The following ARID1B variants were observed in gnomAD, a reference collection of about 807,000 sequenced individuals.
ARID1B encodes the protein AT-rich interaction domain 1B, also known as AT-rich interactive domain-containing protein 1B.
Under a neutral mutation model 212.3 loss-of-function variants are expected in ARID1B, and 30 were observed. That is an observed-to-expected ratio of 0.14 (90% CI 0.11 to 0.19). The LOEUF (loss-of-function observed/expected upper bound fraction) is 0.19, where lower values mean the gene tolerates loss of function less well. Ranked by LOEUF, ARID1B falls within the 10% of genes least tolerant of loss-of-function variation. The pLI is 1.00. For missense variants in ARID1B, 2,891 were observed against 3,204.0 expected (o/e 0.90, Z 2.36); for synonymous variants, 1,402 against 1,301.7 (o/e 1.08, Z -1.66).
intron 3 of ARID1B, among the ~76,000 whole-genome samples, chr6:156,931,605 G>C (rs1459843026): frequency 6.6e-6 from 1 of 152,136 alleles, no homozygotes; most frequent in Admixed American, 6.5e-5. Flanking sequence ...AATCACTTGA[G>C]GCCAGTAGCT....
At chr6:157,008,261 A>G (rs1779363096) in intron 4 of ARID1B, among the ~76,000 whole-genome samples, 1 of 152,152 alleles carries the variant, frequency 6.6e-6, no homozygotes, top group African/African-American at 2.4e-5. Context: ...CCATCCATCC[A>G]TCTCCAGAAG....
chr6:157,074,037 C>G (rs772361793), intron 4 of ARID1B, among the ~76,000 whole-genome samples: 4 of 152,248 alleles, frequency 2.6e-5, no homozygotes, highest in Admixed American at 2.0e-4. Context: ...AGCCCGAATT[C>G]TATTGTAATC....
At chr6:156,868,587 G>C (rs1785885194) in intron 2 of ARID1B, among the ~76,000 whole-genome samples, 1 of 152,162 alleles carries the variant, frequency 6.6e-6, no homozygotes, top group African/African-American at 2.4e-5. Context: ...ATGGTGGAAG[G>C]GGGTGGCCAG....
intron 4 of ARID1B, among the ~76,000 whole-genome samples, chr6:156,971,939 C>T (rs956234479): frequency 1.3e-5 from 2 of 152,250 alleles, no homozygotes; most frequent in Non-Finnish European, 2.9e-5. Context: ...AACACATTTA[C>T]GGGTCCTTCC....
At chr6:157,159,470 A>G (rs899059896) in intron 8 of ARID1B, among the ~76,000 whole-genome samples, 1 of 152,240 alleles carries the variant, frequency 6.6e-6, no homozygotes, top group Non-Finnish European at 1.5e-5. Context: ...GGTTACCTGC[A>G]TTGAAGCAAA....
intron 11 of ARID1B, among the ~76,000 whole-genome samples, chr6:157,177,113 A>G (rs913993571): frequency 1.3e-5 from 2 of 152,148 alleles, no homozygotes; most frequent in African/African-American, 4.8e-5. Context: ...GAAATTGTGT[A>G]TTTTTTCTCA....
intron 4 of ARID1B, among the ~76,000 whole-genome samples, chr6:156,961,910 A>G (rs897016059): frequency 1.3e-5 from 2 of 152,116 alleles, no homozygotes; most frequent in African/African-American, 2.4e-5. Flanking sequence ...TTCTAAGTCA[A>G]TTTCACCATA....
chr6:157,189,999 T>G, intron 14 of ARID1B, 39 bp from the exon 15 acceptor site: 1 of 1,608,154 alleles, frequency 6.2e-7, no homozygotes, highest in Admixed American at 1.7e-5. Flanking sequence ...AGGTAACTCC[T>G]GCTGTATCAT....
At chr6:157,140,621 A>G (rs1481385691) in intron 7 of ARID1B, 1 of 398,490 alleles carries the variant, frequency 2.5e-6, no homozygotes, top group Non-Finnish European at 4.4e-6. Context: ...AGAGGAAGAA[A>G]CTGAGCTTTG....
At chr6:156,891,633 A>G (rs1409767252) in intron 2 of ARID1B, among the ~76,000 whole-genome samples, 1 of 152,168 alleles carries the variant, frequency 6.6e-6, no homozygotes, top group Non-Finnish European at 1.5e-5. Context: ...ACTCAGTAAT[A>G]TATGGACAGA....
chr6:156,927,193 G>C (rs9322589), intron 3 of ARID1B, among the ~76,000 whole-genome samples: 2 of 151,930 alleles, frequency 1.3e-5, no homozygotes, highest in East Asian at 3.8e-4. Context: ...TCCAAATAAA[G>C]TGTTAACAAT....
At chr6:157,005,961 A>G (rs1424908835) in intron 4 of ARID1B, among the ~76,000 whole-genome samples, 2 of 152,086 alleles carry the variant, frequency 1.3e-5, no homozygotes, top group East Asian at 1.9e-4. Flanking sequence ...AGAGGCTTTT[A>G]TATATTCACG....
intron 3 of ARID1B, among the ~76,000 whole-genome samples, chr6:156,909,059 C>A (rs1231359338): frequency 6.6e-6 from 1 of 151,044 alleles, no homozygotes; most frequent in Non-Finnish European, 1.5e-5. Context: ...CATTTCTTCT[C>A]AAAATCATTC....
intron 6 of ARID1B, among the ~76,000 whole-genome samples, chr6:157,115,553 A>C (rs1228659542): frequency 6.6e-6 from 1 of 152,018 alleles, no homozygotes; most frequent in Non-Finnish European, 1.5e-5. Context: ...CAGCCTCCCG[A>C]GTAGCTGGGA....
chr6:157,105,946 GT>G (rs1181309056), intron 5 of ARID1B, among the ~76,000 whole-genome samples: 1 of 152,068 alleles, frequency 6.6e-6, no homozygotes, highest in Non-Finnish European at 1.5e-5. Context: ...TATTAGTGAG[GT>G]TATGGAGAGA....
chr6:156,802,380 T>C (rs1780852468), intron 1 of ARID1B, among the ~76,000 whole-genome samples: 1 of 152,252 alleles, frequency 6.6e-6, no homozygotes, highest in South Asian at 2.1e-4. Context: ...ATTCATTCAT[T>C]GTGTTTCATT....
intron 3 of ARID1B, among the ~76,000 whole-genome samples, chr6:156,910,724 G>C (rs1789806618): frequency 6.6e-6 from 1 of 152,058 alleles, no homozygotes; most frequent in African/African-American, 2.4e-5. Context: ...GGAACTGGTA[G>C]TTTCATGTTT....
At chr6:157,007,242 G>A (rs146307103) in intron 4 of ARID1B, among the ~76,000 whole-genome samples, 44 of 152,278 alleles carry the variant, frequency 2.9e-4, no homozygotes, top group Non-Finnish European at 5.6e-4. Context: ...AAACTTTCAG[G>A]AAGGTAGAAA....
intron 19 of ARID1B, chr6:157,204,676 G>A (rs898216078): frequency 1.3e-5 from 2 of 152,164 alleles, no homozygotes; most frequent in Admixed American, 1.3e-4. Context: ...TCAGAGGTAG[G>A]CTTCAGGTAG....
Sources: gnomAD v4.1 joint callset for allele counts (sites outside exome capture counted in the v4.1 genomes callset) on GRCh38, gnomAD v4.1.1 for gene constraint, MANE v1.5 for transcripts, NCBI Gene and HGNC (gene_info 2026-07-23, HGNC 2026-07-21) for gene names.